The following CSMD1 variants were observed in gnomAD, a reference collection of about 807,000 sequenced individuals.
The protein encoded by CSMD1 is CUB and Sushi multiple domains 1, also known as CUB and sushi domain-containing protein 1.
Under a neutral mutation model 417.5 loss-of-function variants are expected in CSMD1, and 213 were observed. The observed-to-expected ratio is 0.51, with a 90% CI of 0.46 to 0.57. CSMD1 has a LOEUF of 0.57. Among genes scored for constraint, CSMD1 ranks in the 20% least tolerant of loss-of-function variants. The probability of loss-of-function intolerance (pLI) is 0.00; values close to 1 mark genes in which losing one functional copy is unlikely to be tolerated. For synonymous variants in CSMD1, 2,862 were observed against 1,736.8 expected (o/e 1.65, Z -16.11); for missense variants, 6,923 against 4,529.7 (o/e 1.53, Z -15.17).
At chr8:3,955,285 T>C (rs1164600334) in intron 5 of CSMD1, among the ~76,000 whole-genome samples, 1 of 152,130 alleles carries the variant, frequency 6.6e-6, no homozygotes, top group Non-Finnish European at 1.5e-5. Context: ...AGGCATGCAG[T>C]GTCAACACCA....
intron 7 of CSMD1, 53 bp from the exon 8 acceptor site, chr8:3,616,850 C>T (rs1251279926): frequency 3.9e-6 from 5 of 1,289,018 alleles, no homozygotes; most frequent in Non-Finnish European, 5.4e-6. Flanking sequence ...GAGGAAATAC[C>T]CAGATAAAAA....
intron 7 of CSMD1, among the ~76,000 whole-genome samples, chr8:3,667,140 T>C (rs1431590819): frequency 6.6e-6 from 1 of 151,920 alleles, no homozygotes; most frequent in African/African-American, 2.4e-5. Flanking sequence ...GGGAGTGAGG[T>C]AAAGGGGGGC....
intron 6 of CSMD1, among the ~76,000 whole-genome samples, chr8:3,726,445 T>A (rs1802503141): frequency 6.6e-6 from 1 of 152,048 alleles, no homozygotes; most frequent in Non-Finnish European, 1.5e-5. Flanking sequence ...AGGACAGGGG[T>A]CAGCAGGTAT....
At chr8:3,521,058 G>C (rs1308145410) in intron 10 of CSMD1, among the ~76,000 whole-genome samples, 3 of 152,120 alleles carry the variant, frequency 2.0e-5, no homozygotes, top group Non-Finnish European at 4.4e-5. Context: ...TATGCCTCCA[G>C]TCACACACAA....
intron 2 of CSMD1, among the ~76,000 whole-genome samples, chr8:4,621,385 G>A (rs1319499936): frequency 2.6e-5 from 4 of 152,056 alleles, no homozygotes; most frequent in Admixed American, 2.0e-4. Flanking sequence ...GAACATTTGG[G>A]ATTTGGAATT....
At chr8:4,853,037 T>C (rs550188504) in intron 1 of CSMD1, among the ~76,000 whole-genome samples, 4 of 152,314 alleles carry the variant, frequency 2.6e-5, no homozygotes, top group African/African-American at 9.6e-5. Context: ...TTGGTACTTA[T>C]ATTTAAAAGG....
rs565887062 is a variant in CSMD1, at chr8:3,652,586, G to A, written c.1010-35789C>T. On this transcript the variant is annotated intron_variant, in intron 7 of 69. Transcript: ENST00000635120. ...TGCAAAGGAGAAGCAAAGGCATGTC[G>A]TACACGGTGACAGGCAAAAGAGCTC... Among the ~76,000 whole-genome samples the A allele has an allele frequency of 7.2e-5, 11 of 152,298 alleles. No individual in the cohort carries two copies. In the East Asian group the frequency reaches 9.6e-4, roughly 13 times the overall value.
intron 11 of CSMD1, among the ~76,000 whole-genome samples, chr8:3,488,359 C>G (rs547350587): frequency 6.6e-6 from 1 of 152,092 alleles, no homozygotes; most frequent in Non-Finnish European, 1.5e-5. Context: ...TCTCCCTCCT[C>G]GGCTTCCCAA....
intron 26 of CSMD1, chr8:3,278,390 C>G (rs1305957639): frequency 6.6e-6 from 1 of 152,140 alleles, no homozygotes; most frequent in Non-Finnish European, 1.5e-5. Context: ...TTTAATCACA[C>G]CTCTAATGCT....
At chr8:4,771,844 G>C (rs1206353277) in intron 1 of CSMD1, among the ~76,000 whole-genome samples, 1 of 152,142 alleles carries the variant, frequency 6.6e-6, no homozygotes, top group Non-Finnish European at 1.5e-5. Context: ...TTCTGTTGTG[G>C]TTTTAATCCA....
At chr8:4,152,617 G>A (rs922398989) in intron 3 of CSMD1, among the ~76,000 whole-genome samples, 1 of 151,912 alleles carries the variant, frequency 6.6e-6, no homozygotes, top group Admixed American at 6.5e-5. Flanking sequence ...TTGAGCCTAG[G>A]AGGTCAAGGC....
In CSMD1 at chr8:4,199,962, C is replaced by G. The variant is rs188336439; in HGVS notation, c.416-167863G>C. ...TTTCAACCAATGTAGAAAAAAAGAC[C>G]TGAATGAAATAAATAATGGTGACTA... is the stretch of plus-strand genomic sequence containing the variant. On this transcript the variant is annotated intron_variant, in intron 3 of 69. Coordinates refer to ENST00000635120, the MANE Select transcript of CSMD1 (RefSeq NM_033225.6). Among the ~76,000 whole-genome samples, 13 of 152,160 alleles carry G rather than the reference C, an allele frequency of 8.5e-5. No individual in the cohort carries two copies. The East Asian group carries it at 2.1e-3, about 25-fold the overall frequency.
At chr8:4,729,413 C>G (rs1384027303) in intron 1 of CSMD1, among the ~76,000 whole-genome samples, 2 of 152,034 alleles carry the variant, frequency 1.3e-5, no homozygotes, top group African/African-American at 2.4e-5. Context: ...AATAAAGTAT[C>G]CACAACTTCT....
intron 3 of CSMD1, among the ~76,000 whole-genome samples, chr8:4,101,514 T>C (rs1054776939): frequency 1.3e-5 from 2 of 152,188 alleles, no homozygotes; most frequent in Non-Finnish European, 2.9e-5. Context: ...AGTCACCAAA[T>C]ATGCCGACCA....
At chr8:4,108,621 A>T (rs1008287051) in intron 3 of CSMD1, among the ~76,000 whole-genome samples, 9 of 152,320 alleles carry the variant, frequency 5.9e-5, no homozygotes, top group African/African-American at 2.2e-4. Context: ...CCGGCCCGAG[A>T]GTCTCAGAAG....
intron 1 of CSMD1, among the ~76,000 whole-genome samples, chr8:4,755,404 G>A (rs183044044): frequency 1.3e-5 from 2 of 151,978 alleles, no homozygotes; most frequent in African/African-American, 4.8e-5. Flanking sequence ...GAAATACTTG[G>A]TTCTGATGAC....
intron 1 of CSMD1, among the ~76,000 whole-genome samples, chr8:4,925,749 G>A (rs972603633): frequency 6.6e-6 from 1 of 151,938 alleles, no homozygotes; most frequent in Non-Finnish European, 1.5e-5. Context: ...GGGTTTCACC[G>A]TGTTGGTCAG....
intron 3 of CSMD1, among the ~76,000 whole-genome samples, chr8:4,176,106 G>A (rs1026887186): frequency 2.0e-5 from 3 of 152,064 alleles, no homozygotes; most frequent in Admixed American, 6.5e-5. Context: ...CTACCTTCTT[G>A]TAGACAGAAA....
chr8:3,451,742 G>C (rs193062994), intron 12 of CSMD1, among the ~76,000 whole-genome samples: 5 of 152,166 alleles, frequency 3.3e-5, no homozygotes, highest in African/African-American at 7.2e-5. Context: ...TTTGAAGTCA[G>C]GTAGCATGAC....
Sources: gnomAD v4.1 joint callset for allele counts (sites outside exome capture counted in the v4.1 genomes callset) on GRCh38, gnomAD v4.1.1 for gene constraint, MANE v1.5 for transcripts, NCBI Gene and HGNC (gene_info 2026-07-23, HGNC 2026-07-21) for gene names.